LCORL: variants seen among roughly 807,000 people sequenced by gnomAD.
The protein encoded by LCORL is ligand-dependent nuclear receptor corepressor-like protein.
In LCORL, 41 loss-of-function variants were observed where a neutral mutation model predicts 141.8. The ratio of observed to expected loss-of-function variants is 0.29; its 90% CI spans 0.23 to 0.38. The LOEUF (loss-of-function observed/expected upper bound fraction) is 0.38, where lower values mean the gene tolerates loss of function less well. Among genes scored for constraint, LCORL ranks in the 10% least tolerant of loss-of-function variants. LCORL has a pLI of 1.00. For missense variants in LCORL, 1,759 were observed against 2,035.0 expected (o/e 0.86, Z 2.61); for synonymous variants, 618 against 694.1 (o/e 0.89, Z 1.72).
At chr4:17,954,674 T>C (rs1191058435) in intron 4 of LCORL, among the ~76,000 whole-genome samples, 1 of 152,126 alleles carries the variant, frequency 6.6e-6, no homozygotes, top group Non-Finnish European at 1.5e-5. Flanking sequence ...ATTAAGGTGG[T>C]AGCAATGGAA....
At chr4:17,946,900 A>G (rs970391169) in intron 4 of LCORL, among the ~76,000 whole-genome samples, 1 of 152,044 alleles carries the variant, frequency 6.6e-6, no homozygotes, top group Admixed American at 6.6e-5. Context: ...ACCCATGTGC[A>G]CTGTTGGTGG....
intron 1 of LCORL, among the ~76,000 whole-genome samples, chr4:17,988,371 G>A (rs528135270): frequency 3.3e-5 from 5 of 152,200 alleles, no homozygotes; most frequent in East Asian, 1.9e-4. Flanking sequence ...TCCTGGGCTC[G>A]GGTGATCCTC....
chr4:17,986,598 C>T (rs1397575169), intron 1 of LCORL, among the ~76,000 whole-genome samples: 1 of 152,158 alleles, frequency 6.6e-6, no homozygotes, highest in African/African-American at 2.4e-5. Flanking sequence ...TGTTTTTCTG[C>T]TCTATCAGAT....
chr4:17,966,643 A>G (rs1441785073), intron 2 of LCORL, among the ~76,000 whole-genome samples: 1 of 152,192 alleles, frequency 6.6e-6, no homozygotes, highest in Non-Finnish European at 1.5e-5. Context: ...CTGTCTGAAT[A>G]GATACATCAC....
At chr4:17,969,599 A>AT (rs1176868553) in intron 2 of LCORL, among the ~76,000 whole-genome samples, 1 of 152,178 alleles carries the variant, frequency 6.6e-6, no homozygotes, top group Non-Finnish European at 1.5e-5. Context: ...ATTTAATTTC[A>AT]TAACTAAAAA....
chr4:17,878,148 T>G, exon 7 of LCORL: 1 of 1,230,354 alleles, frequency 8.1e-7, no homozygotes, highest in Non-Finnish European at 1.0e-6. Flanking sequence ...TTCCAAAACT[T>G]TGTTTAATGC....
chr4:17,912,064 G>A (rs1362477457), intron 4 of LCORL: 3 of 701,348 alleles, frequency 4.3e-6, no homozygotes, highest in Non-Finnish European at 5.3e-6. Flanking sequence ...GGGACCCCAG[G>A]TCAGAGACTG....
Position 17,898,045 on chromosome 4 carries a change from GTTGC to G in LCORL, c.682+11045_682+11048del, listed in dbSNP as rs540676808. Among the ~76,000 whole-genome samples the G allele has an allele frequency of 2.3e-3, 347 of 152,130 alleles. 1 individual carries two copies. Among genetic ancestry groups the G allele is most frequent in the African/African-American group, 7.5e-3 (310 of 41,506 alleles). On this transcript the variant is annotated intron_variant, in intron 5 of 7. Transcript: ENST00000635767. The stretch of plus-strand genomic sequence containing the variant: ...TGTAATATAAGGTTTTTTACTTGAT[GTTGC>G]TTGTTTTTTCTCTTACACTGAAAAT...
chr4:17,882,078 T>G, intron 6 of LCORL: 2 of 984,358 alleles, frequency 2.0e-6, no homozygotes, highest in Non-Finnish European at 2.4e-6. Context: ...AACTGCTTGG[T>G]TGTGTAGTTT....
At chr4:17,897,799 G>A (rs558222246) in intron 5 of LCORL, among the ~76,000 whole-genome samples, 2 of 152,196 alleles carry the variant, frequency 1.3e-5, no homozygotes, top group South Asian at 4.1e-4. Flanking sequence ...TTGCCTGCTA[G>A]CACAAGATGT....
intron 4 of LCORL, among the ~76,000 whole-genome samples, chr4:17,919,398 A>G (rs918319700): frequency 1.3e-5 from 2 of 152,188 alleles, no homozygotes; most frequent in Non-Finnish European, 2.9e-5. Flanking sequence ...TTAAGGGTCA[A>G]TATTATCCTG....
chr4:17,926,501 G>C lies in LCORL; in HGVS notation c.431-17156C>G, dbSNP rs1277199690. ...GGACCTACACCAATGGTTTGACAGG[G>C]GCTCTCAGGCCTCTGGCCACAGACT... On this transcript the variant is annotated intron_variant, in intron 4 of 7. Coordinates refer to ENST00000635767, the Ensembl canonical transcript of LCORL. 3.9e-5 allele frequency among the ~76,000 whole-genome samples: 6 copies of C among 152,256 alleles called. No individual in the cohort carries two copies. The East Asian group carries it at 9.7e-4, about 25-fold the overall frequency.
chr4:17,925,428 G>C (rs1734961814), intron 4 of LCORL, among the ~76,000 whole-genome samples: 1 of 152,090 alleles, frequency 6.6e-6, no homozygotes. Flanking sequence ...CACTCCATCG[G>C]GTAAAAACCC....
At chr4:17,990,984 CA>C (rs1191029737) in intron 1 of LCORL, among the ~76,000 whole-genome samples, 2 of 151,396 alleles carry the variant, frequency 1.3e-5, no homozygotes, top group South Asian at 4.2e-4. Flanking sequence ...AAACTACCTT[CA>C]AAAAAATAAA....
chr4:17,964,064 T>G (rs1424476196), intron 2 of LCORL, among the ~76,000 whole-genome samples: 1 of 152,032 alleles, frequency 6.6e-6, no homozygotes, highest in Non-Finnish European at 1.5e-5. Flanking sequence ...CTCCCCTAAA[T>G]CAACTCAGAA....
intron 1 of LCORL, among the ~76,000 whole-genome samples, chr4:17,988,589 T>C (rs1295902345): frequency 6.6e-6 from 1 of 152,056 alleles, no homozygotes; most frequent in Middle Eastern, 3.2e-3. Flanking sequence ...AAAAATATTC[T>C]TAGTAACATT....
At chr4:18,017,187 A>T (rs929832850) in intron 1 of LCORL, among the ~76,000 whole-genome samples, 2 of 152,156 alleles carry the variant, frequency 1.3e-5, no homozygotes, top group African/African-American at 4.8e-5. Flanking sequence ...AAAATCCATG[A>T]GTTCATACAG....
chr4:17,931,078 A>G (rs1399146229), intron 4 of LCORL, among the ~76,000 whole-genome samples: 1 of 152,166 alleles, frequency 6.6e-6, no homozygotes, highest in African/African-American at 2.4e-5. Flanking sequence ...CAAAGAAATA[A>G]TCCATTTCAC....
intron 4 of LCORL, among the ~76,000 whole-genome samples, chr4:17,952,719 A>C (rs1008100723): frequency 6.6e-6 from 1 of 152,156 alleles, no homozygotes; most frequent in East Asian, 1.9e-4. Context: ...CCGGCCAAAA[A>C]CAATTTTTTA....
Sources: allele counts gnomAD v4.1 joint callset (sites outside exome capture counted in the v4.1 genomes callset), GRCh38; gene constraint gnomAD v4.1.1; transcripts MANE v1.5; gene names NCBI Gene and HGNC (gene_info 2026-07-23, HGNC 2026-07-21).